Variants in IL1RL1 observed in about 807,000 individuals in gnomAD.
IL1RL1 encodes interleukin 1 receptor like 1.
In IL1RL1, 32 loss-of-function variants were observed where a neutral mutation model predicts 50.9. That is an observed-to-expected ratio of 0.63 (90% confidence interval 0.47 to 0.84). The LOEUF (loss-of-function observed/expected upper bound fraction) is 0.84, where lower values mean the gene tolerates loss of function less well. Among genes scored for constraint, IL1RL1 ranks in the 40% least tolerant of loss-of-function variants. The pLI is 0.00. For synonymous variants in IL1RL1, 275 were observed against 236.0 expected, an observed-to-expected ratio of 1.17 and a Z score of -1.51; for missense variants, 773 against 662.9, an observed-to-expected ratio of 1.17 and a Z score of -1.82.
chr2:102,318,868 C>T (rs930647686), intron 1 of IL1RL1, among the ~76,000 whole-genome samples: 1 of 152,106 alleles, frequency 6.6e-6, no homozygotes, highest in African/African-American at 2.4e-5. Flanking sequence ...ATATTGATAA[C>T]AGCATAAAGA....
chr2:102,320,800 T>C (rs1379891758), intron 1 of IL1RL1, among the ~76,000 whole-genome samples: 1 of 152,166 alleles, frequency 6.6e-6, no homozygotes, highest in Non-Finnish European at 1.5e-5. Flanking sequence ...GCCCTGGTCA[T>C]AGCCACCGTC....
At position 102,349,097 on chromosome 2, in the gene IL1RL1, C is replaced by T. The variant is rs779267806; in HGVS notation, c.1136C>T (p.Ala379Val). ...TTTTCAGATGGAAAGCTCTATGATG[C>T]TTATGTTGTCTACCCACGGAACTAC... The part of the protein sequence containing the change: ...KTRNDGKLYD[A>V]YVVYPRNYKS... Residue 379 changes from alanine to valine, a missense_variant, in exon 10 of 11, where the codon GCT becomes GTT. By Grantham distance (64) the Ala-to-Val change is moderately conservative. Transcript: ENST00000233954. 5 of 1,613,386 alleles carry T rather than the reference C, an allele frequency of 3.1e-6. No homozygotes were observed. The African/African-American group carries it at 6.7e-5, about 22-fold the overall frequency.
chr2:102,341,022 AG>A (rs1677539276), intron 5 of IL1RL1, among the ~76,000 whole-genome samples, 194 bp downstream of exon 5: 1 of 152,194 alleles, frequency 6.6e-6, no homozygotes, highest in Non-Finnish European at 1.5e-5. Flanking sequence ...AAGAAATTTC[AG>A]GGGGAAATTA....
chr2:102,313,482 T>A, intron 1 of IL1RL1: 1 of 152,170 alleles, frequency 6.6e-6, no homozygotes, highest in Middle Eastern at 3.2e-3. Flanking sequence ...GGTGCCTCTG[T>A]GTTTGGAGAT....
At chr2:102,318,753 AAG>A (rs1253135880) in intron 1 of IL1RL1, among the ~76,000 whole-genome samples, 1 of 152,164 alleles carries the variant, frequency 6.6e-6, no homozygotes, top group Non-Finnish European at 1.5e-5. Context: ...GTCCTGAAGA[AAG>A]ATGTTGGAGA....
rs1677435381 is a variant in IL1RL1, at chr2:102,338,940, A to G, written c.165A>G (p.Lys55=). ...ATTGGTATTACTCACAAACAAACAA[A>G]AGTATTCCCACTCAGGAAAGAAATC... ...TVDWYYSQTN[K]SIPTQERNRV... Residue 55 remains lysine, a synonymous_variant, in exon 3 of 11, where the codon AAA becomes AAG. Coordinates refer to ENST00000233954, the MANE Select transcript of IL1RL1 (RefSeq NM_016232.5). The G allele has an allele frequency of 6.2e-7, 1 of 1,613,936 alleles. No homozygotes were observed. Among genetic ancestry groups the G allele is most frequent in the Non-Finnish European group, 8.5e-7 (1 of 1,179,870 alleles).
intron 9 of IL1RL1, among the ~76,000 whole-genome samples, chr2:102,348,438 T>A (rs1677840396): frequency 6.6e-6 from 1 of 152,154 alleles, no homozygotes; most frequent in South Asian, 2.1e-4. Context: ...GTAGCAAAAT[T>A]GTTCCTGTTT....
intron 5 of IL1RL1, 57 bp downstream of exon 5, chr2:102,340,885 C>G: frequency 7.2e-7 from 1 of 1,379,688 alleles, no homozygotes; most frequent in East Asian, 2.6e-5. Flanking sequence ...GAAGTGGGAA[C>G]AGCGGTGCCC....
chr2:102,345,352 T>C (rs971343022), intron 8 of IL1RL1: 35 of 985,280 alleles, frequency 3.6e-5, no homozygotes, highest in Non-Finnish European at 4.1e-5. Context: ...GGCAAAGACA[T>C]CCTGTTTGCT....
At chr2:102,345,678 C>G (rs578199733) in intron 8 of IL1RL1, 1 of 985,226 alleles carries the variant, frequency 1.0e-6, no homozygotes, top group Non-Finnish European at 1.2e-6. Flanking sequence ...GACTTTAACC[C>G]CTGATTTGTA....
At chr2:102,321,839 T>A (rs1676846465) in intron 1 of IL1RL1, among the ~76,000 whole-genome samples, 1 of 152,218 alleles carries the variant, frequency 6.6e-6, no homozygotes, top group African/African-American at 2.4e-5. Context: ...GAAAATTAAA[T>A]CATTCTTAAG....
chr2:102,349,348 C>T (rs1361071721), intron 10 of IL1RL1, 102 bp downstream of exon 10: 1 of 880,610 alleles, frequency 1.1e-6, no homozygotes, highest in Admixed American at 1.9e-5. Flanking sequence ...GCATTTACTA[C>T]CACAGGCCTT....
intron 1 of IL1RL1, among the ~76,000 whole-genome samples, chr2:102,312,025 A>G (rs1158553814): frequency 2.0e-5 from 1 of 51,244 alleles, no homozygotes; most frequent in East Asian, 4.3e-4. Context: ...TATATAATAT[A>G]TATTATATAT....
At chr2:102,318,323 T>G (rs988220242) in intron 1 of IL1RL1, among the ~76,000 whole-genome samples, 2 of 152,076 alleles carry the variant, frequency 1.3e-5, no homozygotes, top group African/African-American at 4.8e-5. Context: ...CTGGGACTTA[T>G]TGGTGGCTTG....
intron 8 of IL1RL1, chr2:102,344,878 G>GT (rs1292415483): frequency 2.9e-5 from 28 of 972,582 alleles, no homozygotes; most frequent in Non-Finnish European, 2.4e-5. Context: ...CTTCCCTACA[G>GT]TTTTTTCTGA....
At chr2:102,337,202 T>A in intron 1 of IL1RL1, 1 of 152,316 alleles carries the variant, frequency 6.6e-6, no homozygotes, top group Non-Finnish European at 1.5e-5. Flanking sequence ...ACAAATCAAA[T>A]TTCAGGATGG....
intron 1 of IL1RL1, among the ~76,000 whole-genome samples, chr2:102,334,602 C>T (rs12712140): frequency 6.6e-6 from 1 of 151,222 alleles, no homozygotes; most frequent in Non-Finnish European, 1.5e-5. Context: ...GGAAAAAAAA[C>T]ATCCATCCCC....
chr2:102,347,996 T>A lies in IL1RL1; in HGVS notation c.1022T>A (p.Met341Lys). 6.3e-7 allele frequency: 1 copy of A among 1,576,928 alleles called. No homozygotes were observed. The highest frequency in any genetic ancestry group is 8.7e-7 in the Non-Finnish European group (1 of 1,146,140). Residue 341 changes from methionine (M) to lysine (K), a missense_variant, in exon 9 of 11, where the codon ATG (methionine) becomes AAG (lysine). Physicochemically the swap from Met to Lys is moderately conservative, Grantham distance 95 (BLOSUM62 -1). Transcript: ENST00000233954. Reference protein sequence around the residue: ...CIIAVCSVFLMLINVLVIILK... With the variant: ...CIIAVCSVFLKLINVLVIILK... ...ATTGCAGTATGTAGTGTATTTTTAA[T>A]GCTAATCAATGTCCTGGTTATCATC... is the stretch of plus-strand genomic sequence containing the variant.
intron 1 of IL1RL1, among the ~76,000 whole-genome samples, chr2:102,315,484 A>C (rs1282590823): frequency 6.6e-6 from 1 of 152,190 alleles, no homozygotes; most frequent in Non-Finnish European, 1.5e-5. Flanking sequence ...GCCCATGTTC[A>C]GGACAAGTTT....
Sources: gnomAD v4.1 joint callset for allele counts (sites outside exome capture counted in the v4.1 genomes callset) on GRCh38, gnomAD v4.1.1 for gene constraint, MANE v1.5 for transcripts, NCBI Gene and HGNC (gene_info 2026-07-23, HGNC 2026-07-21) for gene names.